The following MPHOSPH8 variants were observed in gnomAD, a reference collection of about 807,000 sequenced individuals.
MPHOSPH8 encodes M-phase phosphoprotein, mpp.
Under a neutral mutation model 87.3 loss-of-function variants are expected in MPHOSPH8, and 45 were observed. That is an observed-to-expected ratio of 0.52 (90% confidence interval 0.41 to 0.66). MPHOSPH8 has a LOEUF of 0.66. MPHOSPH8 is among the 30% of genes least tolerant of loss of function. The pLI is 0.00. For missense variants in MPHOSPH8, 883 were observed against 1,020.2 expected (o/e 0.87, Z 1.83); for synonymous variants, 366 against 376.9 (o/e 0.97, Z 0.33).
intron 5 of MPHOSPH8, among the ~76,000 whole-genome samples, chr13:19,654,784 A>G (rs1245858197): frequency 1.3e-5 from 2 of 152,142 alleles, no homozygotes; most frequent in Non-Finnish European, 2.9e-5. Context: ...CCCTCTCTCT[A>G]CTAAAAATAC....
chr13:19,657,055 G>C (rs536261222), intron 5 of MPHOSPH8, among the ~76,000 whole-genome samples: 1 of 143,340 alleles, frequency 7.0e-6, no homozygotes, highest in South Asian at 2.4e-4. Context: ...CCAGGAGGTG[G>C]AGGTTGCAGT....
intron 13 of MPHOSPH8, 135 bp downstream of exon 13, chr13:19,671,424 C>A: frequency 2.9e-6 from 2 of 694,994 alleles, no homozygotes; most frequent in Non-Finnish European, 4.9e-6. Context: ...GGTAGTGATG[C>A]TAGGTGCACC....
At chr13:19,670,526 T>C (rs1593494516) in intron 12 of MPHOSPH8, among the ~76,000 whole-genome samples, 163 bp downstream of exon 12, 1 of 152,346 alleles carries the variant, frequency 6.6e-6, no homozygotes, top group African/African-American at 2.4e-5. Flanking sequence ...AAAATTATCC[T>C]AAGTTTTGTC....
chr13:19,664,377 G>C (rs1046414276), intron 9 of MPHOSPH8, among the ~76,000 whole-genome samples: 1 of 152,154 alleles, frequency 6.6e-6, no homozygotes, highest in South Asian at 2.1e-4. Context: ...CTGCAGCCAC[G>C]CAGGTGCATT....
At chr13:19,667,939 G>A (rs918999912) in intron 10 of MPHOSPH8, among the ~76,000 whole-genome samples, 8 of 152,190 alleles carry the variant, frequency 5.3e-5, no homozygotes, top group Non-Finnish European at 8.8e-5. Flanking sequence ...CGCGCCTGTT[G>A]AACTCAGTGC....
chr13:19,668,465 C>T lies in MPHOSPH8; in HGVS notation c.2263C>T (p.Arg755Ter). ...ACCAGTTTTTCCAATCGCATGTCAT[C>T]GACTCTGTGAGGGTCCAGATTTTTC... is the stretch of plus-strand genomic sequence containing the variant. ...LEPVFPIACH[R>*]LCEGPDFSTD... Residue 755 changes from arginine to a stop codon, truncating the protein, a stop_gained, in exon 11 of 14, where the codon CGA becomes TGA. Coordinates refer to ENST00000361479, the MANE Select transcript of MPHOSPH8 (RefSeq NM_017520.4). LOFTEE classifies it high-confidence loss of function. 1.2e-6 allele frequency: 2 copies of T among 1,614,052 alleles called. No homozygotes were observed. The highest frequency in any genetic ancestry group is 1.7e-6 in the Non-Finnish European group (2 of 1,179,958).
intron 10 of MPHOSPH8, 115 bp from the exon 11 acceptor site, chr13:19,668,262 G>A: frequency 1.2e-6 from 1 of 839,362 alleles, no homozygotes; most frequent in East Asian, 2.6e-5. Flanking sequence ...AGCGGAGGCA[G>A]GCAGAGCTGC....
rs74647068 is a variant in MPHOSPH8 at position 19,668,946 on chromosome 13, C to T, written c.2329+415C>T. ...ACTTTCCTCTCTAGCCTCTGCTCGA[C>T]AGACCCTCTCCAGGCAGGGCTGCGG... On this transcript the variant is annotated intron_variant, in intron 11 of 13. Transcript: ENST00000361479. Among the ~76,000 whole-genome samples the T allele has an allele frequency of 1.0e-2, 1,521 of 152,274 alleles. 25 individuals carry two copies. The highest frequency in any genetic ancestry group is 0.035 in the African/African-American group (1,449 of 41,542).
chr13:19,668,616 C>A (rs1875949786), intron 11 of MPHOSPH8, 85 bp downstream of exon 11: 3 of 1,389,684 alleles, frequency 2.2e-6, no homozygotes, highest in Non-Finnish European at 2.9e-6. Flanking sequence ...TTTCTTGGAA[C>A]AAAACTTTAA....
In MPHOSPH8 at chr13:19,646,500, G is replaced by A. The variant is rs773582304; in HGVS notation, c.427G>A (p.Glu143Lys). 7 of 1,565,062 alleles carry A rather than the reference G, an allele frequency of 4.5e-6. No individual in the cohort carries two copies. The South Asian group carries it at 8.6e-5, about 19-fold the overall frequency. The change falls in exon 3 of 14, where the codon GAG becomes AAG. Residue 143 changes from glutamate to lysine, a missense_variant. By Grantham distance (56) the Glu-to-Lys change is moderately conservative. This residue lies in a region of MPHOSPH8 where 741 missense variants were observed against 841.5 expected (regional missense o/e 0.88). Coordinates refer to ENST00000361479, the MANE Select transcript of MPHOSPH8 (RefSeq NM_017520.4). ...GAACTCTGATAGCGATCAGCAAAGT[G>A]AGACAAAAGAAGATACTTCCCCAAA... ...EANSDSDQQSETKEDTSPKKK... is the reference protein window; with the variant it reads ...EANSDSDQQSKTKEDTSPKKK...
Position 19,633,956 on chromosome 13 carries a change from G to T in MPHOSPH8, c.208G>T (p.Glu70Ter), listed in dbSNP as rs1384769743. The change falls in exon 1 of 14, where the codon GAG becomes TAG. Residue 70 changes from glutamate (E) to a stop codon, truncating the protein, a stop_gained. Transcript: ENST00000361479. LOFTEE classifies it high-confidence loss of function. ...EVEKILDMKT[E>*]GGKVLYKVRW... is the part of the protein sequence containing the mutation. ...GGAGAAGATCCTGGACATGAAGACC[G>T]AGGGGGTATGTGGAGGGGCCCCGGC... 1 of 1,606,992 alleles carries T rather than the reference G, an allele frequency of 6.2e-7. No individual in the cohort carries two copies. The highest frequency in any genetic ancestry group is 8.5e-7 in the Non-Finnish European group (1 of 1,177,392).
At chr13:19,658,373 CTG>C (rs61546455) in intron 5 of MPHOSPH8, among the ~76,000 whole-genome samples, 16,221 of 152,168 alleles carry the variant, frequency 0.11, 1,060 homozygotes, top group African/African-American at 0.18. Context: ...GCACTGAAGT[CTG>C]TGTGATTGAT....
chr13:19,640,314 C>T lies in MPHOSPH8; in HGVS notation c.214-1801C>T, dbSNP rs188840254. The stretch of plus-strand genomic sequence containing the variant: ...ATGCAAAGATTTAGACAGCGCATGG[C>T]ACATTGTAAAGCAGTTGATGAATGT... On this transcript the variant is annotated intron_variant, in intron 1 of 13. Transcript: ENST00000361479. Among the ~76,000 whole-genome samples, 582 of 152,286 alleles carry T rather than the reference C, an allele frequency of 3.8e-3. 4 individuals are homozygous for T. The highest frequency in any genetic ancestry group is 7.9e-3 in the South Asian group (38 of 4,828).
chr13:19,658,981 A>G lies in MPHOSPH8; in HGVS notation c.1577-14A>G, dbSNP rs768926657. 2 of 1,609,828 alleles carry G rather than the reference A, an allele frequency of 1.2e-6. No individual in the cohort carries two copies. The highest frequency in any genetic ancestry group is 1.7e-6 in the Non-Finnish European group (2 of 1,179,060). ...CAGACAAATGTATGTTAACAAGGCT[A>G]TTGTGTGTTCCAGATGGCAGGCAGC... On this transcript the variant is annotated splice_polypyrimidine_tract_variant and intron_variant, in intron 5 of 13. Transcript: ENST00000361479.
chr13:19,673,222 A>C lies in MPHOSPH8; in HGVS notation c.*1347A>C. On this transcript the variant is annotated 3_prime_UTR_variant, in exon 14 of 14. Transcript: ENST00000361479. ...GGGAGCCACCACCCTCTCTGGGAAG[A>C]GTTCCTGCTTCTGTATGGCAAGCAT... is the stretch of plus-strand genomic sequence containing the variant. 1 of 426,066 alleles carries C rather than the reference A, an allele frequency of 2.3e-6. No homozygotes were observed. The highest frequency in any genetic ancestry group is 4.6e-6 in the Non-Finnish European group (1 of 218,706). 26.4% of individuals were successfully genotyped at this position (426,066 alleles called of 1,614,324 possible).
At chr13:19,666,371 AC>A in intron 9 of MPHOSPH8, 53 bp from the exon 10 acceptor site, 2 of 1,538,952 alleles carry the variant, frequency 1.3e-6, no homozygotes, top group East Asian at 2.3e-5. Context: ...AGGGACCAGC[AC>A]CCATGCCACA....
chr13:19,646,313 A>G (rs889794066), intron 2 of MPHOSPH8, 130 bp from the exon 3 acceptor site: 2 of 751,180 alleles, frequency 2.7e-6, no homozygotes, highest in African/African-American at 3.7e-5. Context: ...CAGCTTAGGT[A>G]AGCAGTTTTA....
At chr13:19,637,137 C>T (rs1874050677) in intron 1 of MPHOSPH8, among the ~76,000 whole-genome samples, 1 of 152,156 alleles carries the variant, frequency 6.6e-6, no homozygotes, top group South Asian at 2.1e-4. Context: ...ATGAAGCACA[C>T]CTGTTGAAGT....
At chr13:19,639,826 C>T (rs1874194170) in intron 1 of MPHOSPH8, among the ~76,000 whole-genome samples, 1 of 152,068 alleles carries the variant, frequency 6.6e-6, no homozygotes. Flanking sequence ...TTTTATGGGC[C>T]AGGCACAGAG....
Sources: allele counts gnomAD v4.1 joint callset (sites outside exome capture counted in the v4.1 genomes callset), GRCh38; gene constraint gnomAD v4.1.1; regional missense constraint gnomAD v4.1.1; transcripts MANE v1.5; gene names NCBI Gene and HGNC (gene_info 2026-07-23, HGNC 2026-07-21).